The following LARS1 variants were observed in gnomAD, a reference collection of about 807,000 sequenced individuals.
LARS1 encodes the protein leucine--tRNA ligase, cytoplasmic.
Under a neutral mutation model 162.8 loss-of-function variants are expected in LARS1, and 100 were observed. The ratio of observed to expected loss-of-function variants is 0.61; its 90% CI spans 0.52 to 0.73. The LOEUF is 0.73. Ranked by LOEUF, LARS1 falls within the 30% of genes least tolerant of loss-of-function variation. The probability of loss-of-function intolerance (pLI) is 0.00; values close to 1 mark genes in which losing one functional copy is unlikely to be tolerated. For synonymous variants in LARS1, 457 were observed against 462.8 expected (o/e 0.99, Z 0.16); for missense variants, 1,258 against 1,408.9 (o/e 0.89, Z 1.71).
chr5:146,173,742 A>C (rs911019286), intron 2 of LARS1, among the ~76,000 whole-genome samples: 3 of 152,070 alleles, frequency 2.0e-5, no homozygotes, highest in South Asian at 2.1e-4. Context: ...GAATCCACTG[A>C]AACTACCTGT....
chr5:146,181,773 G>A (rs1754856642), intron 1 of LARS1, among the ~76,000 whole-genome samples: 1 of 137,368 alleles, frequency 7.3e-6, no homozygotes, highest in East Asian at 2.4e-4. Flanking sequence ...ATTTTACAAT[G>A]TATTTTACCC....
intron 2 of LARS1, among the ~76,000 whole-genome samples, chr5:146,176,035 C>T (rs527949043): frequency 1.3e-5 from 2 of 152,076 alleles, no homozygotes; most frequent in African/African-American, 2.4e-5. Context: ...GCCTGTAGTC[C>T]CAGCTACTCA....
At chr5:146,158,116 T>C (rs1309463756) in intron 8 of LARS1, among the ~76,000 whole-genome samples, 1 of 152,172 alleles carries the variant, frequency 6.6e-6, no homozygotes, top group Non-Finnish European at 1.5e-5. Flanking sequence ...TCAGAGATAA[T>C]GTGCTTTCTA....
At chr5:146,168,490 T>C (rs780872469) in intron 4 of LARS1, among the ~76,000 whole-genome samples, 2 of 151,824 alleles carry the variant, frequency 1.3e-5, no homozygotes, top group Admixed American at 6.6e-5. Flanking sequence ...TTGTCAGGAG[T>C]TCGAGACCAG....
rs553015995 is a variant in LARS1, at chr5:146,131,125, A to G, written c.2397-16T>C. ...ATTCAATTCACTATTGAATACGGGGAAAAAAAGGTTATTGAGTTTAAAGGC... is the reference window on the plus strand; with the variant it reads ...ATTCAATTCACTATTGAATACGGGGGAAAAAAGGTTATTGAGTTTAAAGGC... On this transcript the variant is annotated splice_polypyrimidine_tract_variant and intron_variant, in intron 23 of 31. Transcript: ENST00000394434. 25 of 1,334,234 alleles carry G rather than the reference A, an allele frequency of 1.9e-5. No individual in the cohort carries two copies. Among genetic ancestry groups the G allele is most frequent in the Admixed American group, 6.5e-5 (3 of 46,262 alleles). The allele number at this position is 1,334,234 out of a possible 1,614,324, so 82.6% of individuals were successfully genotyped here.
At chr5:146,144,831 A>G in intron 15 of LARS1, 122 bp from the exon 16 acceptor site, 1 of 822,078 alleles carries the variant, frequency 1.2e-6, no homozygotes. Context: ...CATTTTCATT[A>G]TGTCTTGCCC....
intron 7 of LARS1, among the ~76,000 whole-genome samples, 156 bp from the exon 8 acceptor site, chr5:146,159,626 C>T (rs180762316): frequency 0.01 from 1,578 of 152,258 alleles, 14 homozygotes; most frequent in Non-Finnish European, 0.018. Flanking sequence ...GGTAGTTCCA[C>T]TGTCAACCTA....
At chr5:146,179,195 G>A (rs1426002060) in intron 1 of LARS1, among the ~76,000 whole-genome samples, 1 of 152,112 alleles carries the variant, frequency 6.6e-6, no homozygotes, top group Non-Finnish European at 1.5e-5. Context: ...TGGAGCCACT[G>A]CACTCCAGCC....
At chr5:146,179,160 A>T (rs1335565392) in intron 1 of LARS1, among the ~76,000 whole-genome samples, 1 of 152,084 alleles carries the variant, frequency 6.6e-6, no homozygotes, top group East Asian at 1.9e-4. Flanking sequence ...TGAACCCAAG[A>T]GGCGGTGGTT....
intron 7 of LARS1, among the ~76,000 whole-genome samples, chr5:146,160,131 T>C (rs1205230209): frequency 1.3e-5 from 2 of 152,124 alleles, no homozygotes; most frequent in South Asian, 2.1e-4. Context: ...TATTTATTCA[T>C]GTAAGCAATC....
At position 146,131,035 on chromosome 5, in the gene LARS1, C is replaced by G. The variant is rs1441508981; in HGVS notation, c.2471G>C (p.Gly824Ala). 2 of 1,587,020 alleles carry G rather than the reference C, an allele frequency of 1.3e-6. No homozygotes were observed. Among genetic ancestry groups the G allele is most frequent in the Admixed American group, 3.5e-5 (2 of 57,242 alleles). Residue 824 changes from glycine (G) to alanine (A), a missense_variant, in exon 24 of 32, where the codon GGG (glycine) becomes GCG (alanine). Transcript: ENST00000394434. ...ACAGCCTACCTGAAACTCAAAAAAC[C>G]CTGTTTTCAAAGCTTCTTTAAACAT... ...KMMFKEALKT[G>A]FFEFQAAKDK...
chr5:146,120,716 C>T (rs1005049807), intron 30 of LARS1, among the ~76,000 whole-genome samples: 19 of 152,174 alleles, frequency 1.2e-4, no homozygotes, highest in African/African-American at 4.6e-4. Context: ...CATATATCAA[C>T]ACCAATGATG....
intron 4 of LARS1, 74 bp from the exon 5 acceptor site, chr5:146,168,339 G>A: frequency 1.3e-6 from 2 of 1,486,974 alleles, no homozygotes; most frequent in Middle Eastern, 1.8e-4. Flanking sequence ...TGTTTTTATT[G>A]CCAACTAAAA....
intron 13 of LARS1, 133 bp from the exon 14 acceptor site, chr5:146,152,135 T>TTA: frequency 1.1e-6 from 1 of 932,276 alleles, no homozygotes; most frequent in Non-Finnish European, 1.7e-6. Context: ...CTGCCACACA[T>TTA]TAAGTAATCA....
chr5:146,162,062 A>G (rs919199597), intron 6 of LARS1, among the ~76,000 whole-genome samples: 1 of 152,206 alleles, frequency 6.6e-6, no homozygotes, highest in African/African-American at 2.4e-5. Flanking sequence ...GAACCTTTCA[A>G]CGTCATCCAT....
intron 13 of LARS1, among the ~76,000 whole-genome samples, chr5:146,152,423 C>A (rs904981675): frequency 1.3e-5 from 2 of 152,148 alleles, no homozygotes; most frequent in Non-Finnish European, 1.5e-5. Flanking sequence ...CGAGCATCAC[C>A]CCCTGAGCTT....
chr5:146,165,257 C>T (rs1400482118), intron 5 of LARS1, among the ~76,000 whole-genome samples: 1 of 152,040 alleles, frequency 6.6e-6, no homozygotes, highest in African/African-American at 2.4e-5. Context: ...TCACTTGAAC[C>T]GGGAGGCGGA....
chr5:146,178,238 T>C (rs1754685288), intron 1 of LARS1, among the ~76,000 whole-genome samples: 6 of 152,240 alleles, frequency 3.9e-5, no homozygotes, highest in Admixed American at 3.9e-4. Flanking sequence ...CAAATGTTTC[T>C]ATTTAATTAA....
At chr5:146,153,319 C>T in intron 12 of LARS1, 92 bp from the exon 13 acceptor site, 1 of 935,774 alleles carries the variant, frequency 1.1e-6, no homozygotes, top group Non-Finnish European at 1.7e-6. Flanking sequence ...TTAAAAGTTT[C>T]TTTAAAGTTT....
Sources: allele counts gnomAD v4.1 joint callset (sites outside exome capture counted in the v4.1 genomes callset), GRCh38; gene constraint gnomAD v4.1.1; transcripts MANE v1.5; gene names NCBI Gene and HGNC (gene_info 2026-07-23, HGNC 2026-07-21).